SNTG2: variants seen among roughly 807,000 people sequenced by gnomAD.
SNTG2 encodes syntrophin gamma 2, also known as gamma-2-syntrophin.
A neutral mutation model predicts 70.9 loss-of-function variants in SNTG2; 74 were observed. The observed-to-expected ratio is 1.04, with a 90% CI of 0.86 to 1.27. SNTG2 has a LOEUF of 1.27. Ranked by LOEUF, SNTG2 falls within the 50% of genes most tolerant of loss-of-function variation. The pLI, the probability that SNTG2 is intolerant of heterozygous loss-of-function variation, is 0.00. For synonymous variants in SNTG2, 278 were observed against 273.8 expected, an observed-to-expected ratio of 1.02 and a Z score of -0.15; for missense variants, 717 against 690.7, an observed-to-expected ratio of 1.04 and a Z score of -0.43.
chr2:1,175,948 C>A (rs1671445245), intron 8 of SNTG2, among the ~76,000 whole-genome samples: 1 of 152,138 alleles, frequency 6.6e-6, no homozygotes, highest in African/African-American at 2.4e-5. Flanking sequence ...CTGGTTCTCC[C>A]AGTTCTCCTG....
intron 6 of SNTG2, among the ~76,000 whole-genome samples, chr2:1,162,066 C>T (rs189241002): frequency 0.043 from 2,970 of 69,426 alleles, 30 homozygotes; most frequent in South Asian, 0.069. Flanking sequence ...AGTGAGACTC[C>T]GTCTCAAAAA....
chr2:1,215,630 G>GTGCCC (rs1674335347), intron 9 of SNTG2, among the ~76,000 whole-genome samples: 1 of 151,062 alleles, frequency 6.6e-6, no homozygotes, highest in Non-Finnish European at 1.5e-5. Flanking sequence ...ATGTATACAT[G>GTGCCC]TGCCATGTTG....
At chr2:1,255,762 C>T (rs1678017158) in intron 12 of SNTG2, among the ~76,000 whole-genome samples, 1 of 145,356 alleles carries the variant, frequency 6.9e-6, no homozygotes, top group Admixed American at 7.2e-5. Context: ...TTGAGCTTTA[C>T]ATTAATCTTC....
chr2:1,222,087 C>G (rs1272171853), intron 9 of SNTG2, among the ~76,000 whole-genome samples: 3 of 19,164 alleles, frequency 1.6e-4, no homozygotes, highest in African/African-American at 4.7e-4. Context: ...CTGTCTCTGT[C>G]TCTCTCTGTC....
chr2:1,302,999 CTG>C (rs1680524239), intron 14 of SNTG2, among the ~76,000 whole-genome samples: 1 of 151,984 alleles, frequency 6.6e-6, no homozygotes, highest in Non-Finnish European at 1.5e-5. Context: ...GAAGCAAAAA[CTG>C]AGAACTGAAA....
At chr2:1,060,774 A>G (rs1298735690) in intron 1 of SNTG2, among the ~76,000 whole-genome samples, 1 of 152,382 alleles carries the variant, frequency 6.6e-6, no homozygotes, top group South Asian at 2.1e-4. Context: ...TTAGATGCCA[A>G]CTAACAAATT....
At chr2:989,882 G>A (rs954155303) in intron 1 of SNTG2, among the ~76,000 whole-genome samples, 20 of 152,318 alleles carry the variant, frequency 1.3e-4, no homozygotes, top group Middle Eastern at 6.8e-3. Flanking sequence ...CTGTCAACGC[G>A]CTTGTCATTT....
At chr2:997,782 A>G (rs1266927948) in intron 1 of SNTG2, among the ~76,000 whole-genome samples, 2 of 152,204 alleles carry the variant, frequency 1.3e-5, no homozygotes, top group South Asian at 2.1e-4. Context: ...AGCACCAGAG[A>G]GCTTCTCTTG....
chr2:1,066,437 CGT>C (rs1212382904), intron 1 of SNTG2, among the ~76,000 whole-genome samples: 1 of 151,226 alleles, frequency 6.6e-6, no homozygotes, highest in Non-Finnish European at 1.5e-5. Flanking sequence ...GTTCTCGGTG[CGT>C]CTCATCGACT....
At chr2:1,364,737 CAAAAAA>C (rs371977526) in intron 16 of SNTG2, among the ~76,000 whole-genome samples, 57,354 of 132,062 alleles carry the variant, frequency 0.43, 12,160 homozygotes, top group Middle Eastern at 0.54. Context: ...CTAAAAATAC[CAAAAAA>C]AAAAAAAAAA....
At chr2:1,351,806 A>G (rs942402254) in intron 16 of SNTG2, among the ~76,000 whole-genome samples, 2 of 152,116 alleles carry the variant, frequency 1.3e-5, no homozygotes, top group Non-Finnish European at 2.9e-5. Flanking sequence ...GCCAACCCCC[A>G]TGGTGGAGAA....
rs1318381005 is a variant in SNTG2 at position 1,056,283 on chromosome 2, CGCCG to C, written c.73-27234_73-27231del. ...TGGGGAGGGAGGGAGGGAGAGGCCG[CGCCG>C]TGCTGTGGGGAGGGAGGGAGGGAGA... On this transcript the variant is annotated intron_variant, in intron 1 of 16. Coordinates refer to ENST00000308624, the MANE Select transcript of SNTG2 (RefSeq NM_018968.4). Among the ~76,000 whole-genome samples, 21 of 25,866 alleles carry C rather than the reference CGCCG, an allele frequency of 8.1e-4. 4 individuals carry two copies. Among genetic ancestry groups the C allele is most frequent in the African/African-American group, 3.2e-3 (16 of 4,960 alleles). The allele number at this position is 25,866 out of a possible 152,430, so 17.0% of individuals were successfully genotyped here.
intron 1 of SNTG2, among the ~76,000 whole-genome samples, chr2:1,036,993 G>A (rs1661167306): frequency 2.0e-5 from 1 of 50,374 alleles, no homozygotes; most frequent in African/African-American, 1.6e-4. Context: ...GGGCAGTATG[G>A]GGTGGACTCA....
intron 6 of SNTG2, among the ~76,000 whole-genome samples, chr2:1,145,271 A>G (rs1054054521): frequency 2.5e-5 from 3 of 122,100 alleles, no homozygotes; most frequent in Non-Finnish European, 3.5e-5. Flanking sequence ...GGGACTGAAG[A>G]CAGGAAATCA....
intron 1 of SNTG2, among the ~76,000 whole-genome samples, chr2:979,897 GT>G (rs1661044521): frequency 6.6e-6 from 1 of 151,464 alleles, no homozygotes; most frequent in African/African-American, 2.4e-5. Context: ...TTTAAGTTAT[GT>G]TAAATACATT....
chr2:1,273,323 C>A (rs1195021715), intron 14 of SNTG2, among the ~76,000 whole-genome samples: 1 of 152,148 alleles, frequency 6.6e-6, no homozygotes, highest in South Asian at 2.1e-4. Flanking sequence ...CTGATAATTT[C>A]TCCTTTTTGT....
intron 4 of SNTG2, among the ~76,000 whole-genome samples, chr2:1,119,462 G>A (rs1667243967): frequency 6.6e-6 from 1 of 151,670 alleles, no homozygotes; most frequent in South Asian, 2.1e-4. Context: ...TAAAACTAAG[G>A]CCATAATAAC....
chr2:1,031,528 A>ATATATATATATATTTTTTTTTTTTTTTTT, intron 1 of SNTG2, among the ~76,000 whole-genome samples: 3 of 59,120 alleles, frequency 5.1e-5, no homozygotes, highest in African/African-American at 8.3e-5. Context: ...ATATATATAT[A>ATATATATATATATTTTTTTTTTTTTTTTT]TTTTTTTTTT....
At chr2:1,116,436 A>T (rs1666970216) in intron 4 of SNTG2, among the ~76,000 whole-genome samples, 1 of 151,876 alleles carries the variant, frequency 6.6e-6, no homozygotes, top group Non-Finnish European at 1.5e-5. Context: ...GTGCTCTTGC[A>T]TGGGGGTGCT....
Sources: allele counts gnomAD v4.1 joint callset (sites outside exome capture counted in the v4.1 genomes callset), GRCh38; gene constraint gnomAD v4.1.1; transcripts MANE v1.5; gene names NCBI Gene and HGNC (gene_info 2026-07-23, HGNC 2026-07-21).